F11R: variants seen among roughly 807,000 people sequenced by gnomAD.
F11R encodes the protein junctional adhesion molecule A.
In F11R, 27 loss-of-function variants were observed where a neutral mutation model predicts 39.3. The ratio of observed to expected loss-of-function variants is 0.69; its 90% CI spans 0.51 to 0.95. The LOEUF (loss-of-function observed/expected upper bound fraction) is 0.95, where lower values mean the gene tolerates loss of function less well. F11R is among the 40% of genes least tolerant of loss of function. F11R has a pLI of 0.00. For synonymous variants in F11R, 131 were observed against 144.9 expected (o/e 0.90, Z 0.69); for missense variants, 335 against 372.7 (o/e 0.90, Z 0.83).
intron 1 of F11R, among the ~76,000 whole-genome samples, chr1:161,013,772 TC>T (rs2101986555): frequency 6.6e-6 from 1 of 152,242 alleles, no homozygotes; most frequent in South Asian, 2.1e-4. Context: ...TAAGACAGGC[TC>T]GCTTTCACTC....
At chr1:161,003,490 T>G (rs1248886287) in intron 1 of F11R, among the ~76,000 whole-genome samples, 4 of 152,140 alleles carry the variant, frequency 2.6e-5, no homozygotes, top group Non-Finnish European at 5.9e-5. Flanking sequence ...CTCAAACTCC[T>G]GACCTAAAGT....
intron 1 of F11R, among the ~76,000 whole-genome samples, chr1:161,003,339 T>G (rs563740024): frequency 2.4e-4 from 36 of 151,924 alleles, no homozygotes; most frequent in Admixed American, 7.9e-4. Context: ...ATCAGGCTGG[T>G]CTCGAACTCC....
chr1:161,021,043 G>A lies in F11R; in HGVS notation c.31C>T (p.Leu11=). The A allele has an allele frequency of 6.2e-7, 1 of 1,613,962 alleles. No homozygotes were observed. The highest frequency in any genetic ancestry group is 8.5e-7 in the Non-Finnish European group (1 of 1,179,886). The change falls in exon 1 of 10, where the codon CTG becomes TTG. Residue 11 remains leucine (L), a synonymous_variant. Coordinates refer to ENST00000368026, the MANE Select transcript of F11R (RefSeq NM_016946.6). ...ATCGCCAATATGAAGAGGCACAACA[G>A]TTTCCTCTCGACTTGCGCCTTTGTC... MGTKAQVERK[L]LCLFILAILL...
chr1:161,000,482 C>A, intron 4 of F11R, 134 bp from the exon 5 acceptor site: 1 of 1,406,736 alleles, frequency 7.1e-7, no homozygotes, highest in South Asian at 1.3e-5. Flanking sequence ...TGCCACCTAA[C>A]CAGGGGCTCA....
At chr1:161,008,216 C>A (rs1648934430) in intron 1 of F11R, among the ~76,000 whole-genome samples, 1 of 152,056 alleles carries the variant, frequency 6.6e-6, no homozygotes, top group Non-Finnish European at 1.5e-5. Context: ...CATTCTCCAG[C>A]CAGGCACGGT....
rs1277366526 is a variant in F11R at position 160,998,825 on chromosome 1, A to C, written c.*46T>G. On this transcript the variant is annotated 3_prime_UTR_variant, in exon 10 of 10. Transcript: ENST00000368026. ...ACATCAGGGGCCAGAGTCCGGTAGC[A>C]CCTGAGTAAGGCAAATGCAGATGAT... 2 of 1,601,776 alleles carry C rather than the reference A, an allele frequency of 1.2e-6. No individual in the cohort carries two copies.
intron 1 of F11R, among the ~76,000 whole-genome samples, chr1:161,015,431 C>T: frequency 7.0e-6 from 1 of 143,150 alleles, no homozygotes; most frequent in South Asian, 2.2e-4. Context: ...TATATATACA[C>T]ACACACAAAA....
At position 161,001,350 on chromosome 1, in the gene F11R, G is replaced by A; in HGVS notation, c.68C>T (p.Ser23Phe). 1 of 1,613,864 alleles carries A rather than the reference G, an allele frequency of 6.2e-7. No individual in the cohort carries two copies. The highest frequency in any genetic ancestry group is 1.1e-5 in the South Asian group (1 of 91,074). The change falls in exon 2 of 10, where the codon TCC (serine) becomes TTC (phenylalanine). Residue 23 changes from serine to phenylalanine, a missense_variant. By Grantham distance (155) the Ser-to-Phe change is radical (BLOSUM62 -2). Coordinates refer to ENST00000368026, the MANE Select transcript of F11R (RefSeq NM_016946.6). The part of the protein sequence containing the change: ...CLFILAILLC[S>F]LALGSVTVHS... Reference sequence around the variant, plus strand: ...CACTGTAACACTGCCCAATGCCAGGGAGCCTAAGGAGAAAGAAAGAGGTGG... The same window carrying A: ...CACTGTAACACTGCCCAATGCCAGGAAGCCTAAGGAGAAAGAAAGAGGTGG...
In F11R at chr1:161,021,147, G is replaced by A; in HGVS notation, c.-74C>T. The stretch of plus-strand genomic sequence containing the variant: ...GACACAGCTCCGCGACTACAGCGAG[G>A]GGACTGAGAGCCAGCCGCCAGGTGG... On this transcript the variant is annotated 5_prime_UTR_variant, in exon 1 of 10. Transcript: ENST00000368026. The A allele has an allele frequency of 1.4e-6, 2 of 1,421,706 alleles. No individual in the cohort carries two copies. Among genetic ancestry groups the A allele is most frequent in the Non-Finnish European group, 2.0e-6 (2 of 1,015,012 alleles). 88.1% of individuals were successfully genotyped at this position (1,421,706 alleles called of 1,614,324 possible).
At chr1:161,009,911 T>C (rs965646202) in intron 1 of F11R, among the ~76,000 whole-genome samples, 4 of 151,964 alleles carry the variant, frequency 2.6e-5, no homozygotes, top group Non-Finnish European at 5.9e-5. Context: ...CCACTGTACT[T>C]AGTCTGGATG....
At chr1:161,017,827 A>T (rs1030587028) in intron 1 of F11R, among the ~76,000 whole-genome samples, 2 of 152,194 alleles carry the variant, frequency 1.3e-5, no homozygotes, top group African/African-American at 4.8e-5. Flanking sequence ...GTTTTGAGGT[A>T]TGCCTGCCCC....
chr1:161,001,466 G>T, intron 1 of F11R, 113 bp from the exon 2 acceptor site: 1 of 835,072 alleles, frequency 1.2e-6, no homozygotes, highest in Non-Finnish European at 1.9e-6. Flanking sequence ...CTAAGAGGAA[G>T]GGATTCCAGA....
At chr1:161,009,836 C>G (rs1396468307) in intron 1 of F11R, among the ~76,000 whole-genome samples, 3 of 151,984 alleles carry the variant, frequency 2.0e-5, no homozygotes, top group Admixed American at 2.0e-4. Context: ...GTAGTCCCAG[C>G]TACTTGGGAG....
In F11R at chr1:160,999,785, T is replaced by A. The variant is rs146072377; in HGVS notation, c.695-38A>T. The A allele has an allele frequency of 3.5e-3, 5,679 of 1,607,514 alleles. 30 individuals carry two copies. Among genetic ancestry groups the A allele is most frequent in the South Asian group, 0.013 (1,213 of 90,940 alleles). On this transcript the variant is annotated intron_variant, in intron 6 of 9. Transcript: ENST00000368026. ...AATAAGAAGTCAGGCACGGGGATAC[T>A]CACTCACGGCACCTACAGTATCACC...
intron 1 of F11R, among the ~76,000 whole-genome samples, chr1:161,009,167 A>T (rs563981302): frequency 1.3e-5 from 2 of 152,184 alleles, no homozygotes; most frequent in South Asian, 4.1e-4. Context: ...ATTCATCCAC[A>T]TTATTTTCTG....
chr1:161,003,733 C>T (rs773067416), intron 1 of F11R, among the ~76,000 whole-genome samples: 13 of 151,888 alleles, frequency 8.6e-5, no homozygotes, highest in Non-Finnish European at 1.3e-4. Flanking sequence ...CCCGCCACTA[C>T]GCCTAGCTAG....
Position 161,001,266 on chromosome 1 carries a change from A to G in F11R, c.133+19T>C. 3 of 1,613,288 alleles carry G rather than the reference A, an allele frequency of 1.9e-6. No homozygotes were observed. Among genetic ancestry groups the G allele is most frequent in the East Asian group, 2.2e-5 (1 of 44,868 alleles). On this transcript the variant is annotated intron_variant, in intron 2 of 9. Coordinates refer to ENST00000368026, the MANE Select transcript of F11R (RefSeq NM_016946.6). Reference sequence around the variant, plus strand: ...GCAACTGCTCACCCTCACACCCTCCATGGCCCCTCCCAACTCACGATTATT... The same window carrying G: ...GCAACTGCTCACCCTCACACCCTCCGTGGCCCCTCCCAACTCACGATTATT...
At chr1:161,015,272 C>A (rs1007893199) in intron 1 of F11R, among the ~76,000 whole-genome samples, 4 of 149,838 alleles carry the variant, frequency 2.7e-5, no homozygotes, top group African/African-American at 9.9e-5. Context: ...GTGGCGGGCC[C>A]CTGTAGTCCC....
At chr1:161,008,411 A>G (rs1648944833) in intron 1 of F11R, among the ~76,000 whole-genome samples, 1 of 152,092 alleles carries the variant, frequency 6.6e-6, no homozygotes, top group South Asian at 2.1e-4. Flanking sequence ...CTGAAGCAGT[A>G]GAATGGCGTG....
Sources: allele counts gnomAD v4.1 joint callset (sites outside exome capture counted in the v4.1 genomes callset), GRCh38; gene constraint gnomAD v4.1.1; transcripts MANE v1.5; gene names NCBI Gene and HGNC (gene_info 2026-07-23, HGNC 2026-07-21).